The following IKZF3 variants were observed in gnomAD, a reference collection of about 807,000 sequenced individuals.
IKZF3 encodes the protein IKAROS family zinc finger 3.
IKZF3 carries 10 observed loss-of-function variants against 49.0 expected under a neutral mutation model. The ratio of observed to expected loss-of-function variants is 0.20; its 90% CI spans 0.13 to 0.35. The LOEUF is 0.35. Among genes scored for constraint, IKZF3 ranks in the 10% least tolerant of loss-of-function variants. IKZF3 has a pLI of 1.00. For synonymous variants in IKZF3, 209 were observed against 228.2 expected, an observed-to-expected ratio of 0.92 and a Z score of 0.76; for missense variants, 498 against 664.8, an observed-to-expected ratio of 0.75 and a Z score of 2.76.
chr17:39,777,861 G>T, intron 6 of IKZF3, 94 bp from the exon 7 acceptor site: 1 of 1,540,478 alleles, frequency 6.5e-7, no homozygotes, highest in Non-Finnish European at 8.7e-7. Context: ...GTCCGAAGTT[G>T]GATGCACACT....
At chr17:39,832,569 T>C (rs1338922400) in intron 1 of IKZF3, among the ~76,000 whole-genome samples, 1 of 151,964 alleles carries the variant, frequency 6.6e-6, no homozygotes, top group Non-Finnish European at 1.5e-5. Context: ...AATAAAATCA[T>C]GTCATTTGCA....
intron 7 of IKZF3, among the ~76,000 whole-genome samples, chr17:39,772,299 T>C (rs921213697): frequency 6.6e-6 from 1 of 152,150 alleles, no homozygotes; most frequent in Non-Finnish European, 1.5e-5. Context: ...ATCGAACCTT[T>C]AGAAAAATAA....
At chr17:39,795,839 G>A (rs113159227) in intron 3 of IKZF3, among the ~76,000 whole-genome samples, 8,651 of 151,240 alleles carry the variant, frequency 0.057, 384 homozygotes, top group African/African-American at 0.12. Flanking sequence ...GATCACTTGA[G>A]GTCAGGAGTT....
chr17:39,785,258 AG>A (rs994169841), intron 6 of IKZF3, among the ~76,000 whole-genome samples: 6 of 152,244 alleles, frequency 3.9e-5, no homozygotes, highest in African/African-American at 1.2e-4. Context: ...AATATAAAAG[AG>A]TAATGTGTGA....
intron 3 of IKZF3, among the ~76,000 whole-genome samples, chr17:39,817,079 T>C (rs2061694673): frequency 6.6e-6 from 1 of 152,224 alleles, no homozygotes; most frequent in Admixed American, 6.5e-5. Context: ...TTACTCTAGT[T>C]GGGTAAAGCC....
At chr17:39,856,469 C>T (rs2063061762) in intron 1 of IKZF3, among the ~76,000 whole-genome samples, 1 of 152,040 alleles carries the variant, frequency 6.6e-6, no homozygotes, top group Non-Finnish European at 1.5e-5. Flanking sequence ...GATAAGGTTT[C>T]ACCATGTTGG....
chr17:39,779,215 C>T (rs534994781), intron 6 of IKZF3, among the ~76,000 whole-genome samples: 13 of 152,342 alleles, frequency 8.5e-5, no homozygotes, highest in Admixed American at 5.2e-4. Flanking sequence ...AATCCCAGCA[C>T]TTTGCAAGGC....
chr17:39,827,855 G>C (rs114654022), intron 3 of IKZF3, among the ~76,000 whole-genome samples: 125 of 152,332 alleles, frequency 8.2e-4, no homozygotes, highest in African/African-American at 2.8e-3. Flanking sequence ...GTAAGGTATA[G>C]GTGTGAAGGG....
intron 1 of IKZF3, among the ~76,000 whole-genome samples, chr17:39,836,520 T>G (rs2062288659): frequency 6.6e-6 from 1 of 152,220 alleles, no homozygotes; most frequent in Admixed American, 6.5e-5. Context: ...GTGTACTGTT[T>G]AATAAATGTT....
At chr17:39,850,562 T>TATATATAATATATAGCATAAATA in intron 1 of IKZF3, among the ~76,000 whole-genome samples, 15 of 125,920 alleles carry the variant, frequency 1.2e-4, no homozygotes, top group African/African-American at 3.9e-4. Flanking sequence ...ATTATACATG[T>TATATATAATATATAGCATAAATA]ACATATAGTA....
intron 5 of IKZF3, 21 bp from the exon 6 acceptor site, chr17:39,788,395 G>C: frequency 6.7e-7 from 1 of 1,493,446 alleles, no homozygotes; most frequent in South Asian, 1.1e-5. Flanking sequence ...AACATAAGGG[G>C]CACTCAGTGA....
intron 1 of IKZF3, among the ~76,000 whole-genome samples, chr17:39,856,569 G>T (rs1050858356): frequency 1.3e-5 from 2 of 152,164 alleles, no homozygotes; most frequent in Non-Finnish European, 2.9e-5. Flanking sequence ...ACTTTGGGAT[G>T]CCAAGGCGGG....
intron 3 of IKZF3, among the ~76,000 whole-genome samples, chr17:39,794,440 T>C (rs547474440): frequency 6.6e-6 from 1 of 152,348 alleles, no homozygotes; most frequent in Admixed American, 6.5e-5. Context: ...ACTGCAGCTG[T>C]GCCTGGCTTG....
At position 39,863,792 on chromosome 17, in the gene IKZF3, G is replaced by C. The variant is rs189743120; in HGVS notation, c.7+328C>G. The stretch of plus-strand genomic sequence containing the variant: ...CCATGAAGGAAAAAATATCCAAAAG[G>C]GTTGATTATTCCACCCCAGATTTGC... On this transcript the variant is annotated intron_variant, in intron 1 of 7. Transcript: ENST00000346872. 5.2e-5 allele frequency among the ~76,000 whole-genome samples: 6 copies of C among 115,832 alleles called. No homozygotes were observed. In the East Asian group the frequency reaches 1.2e-3, roughly 24 times the overall value. The allele number at this position is 115,832 out of a possible 152,430, so 76.0% of individuals were successfully genotyped here. A position where few individuals can be genotyped will look rare whatever the true frequency, so the allele number is the denominator to read the frequency against.
intron 1 of IKZF3, among the ~76,000 whole-genome samples, chr17:39,839,742 T>G (rs1370383972): frequency 6.6e-6 from 1 of 152,078 alleles, no homozygotes; most frequent in African/African-American, 2.4e-5. Flanking sequence ...CACTGCAACC[T>G]TGACCTCCCT....
chr17:39,797,590 T>C (rs1284486910), intron 3 of IKZF3, among the ~76,000 whole-genome samples: 4 of 151,938 alleles, frequency 2.6e-5, no homozygotes, highest in East Asian at 1.9e-4. Flanking sequence ...ACCTGGCTAA[T>C]TTCTGTATTT....
chr17:39,759,780 T>C lies in IKZF3; in HGVS notation c.*6010A>G, dbSNP rs913744300. The C allele has an allele frequency of 4.6e-5, 7 of 152,276 alleles. No individual in the cohort carries two copies. The highest frequency in any genetic ancestry group is 1.7e-4 in the African/African-American group (7 of 41,476). 9.4% of individuals were successfully genotyped at this position (152,276 alleles called of 1,614,324 possible). On this transcript the variant is annotated 3_prime_UTR_variant, in exon 8 of 8. Coordinates refer to ENST00000346872, the MANE Select transcript of IKZF3 (RefSeq NM_012481.5). ...CACTTATATCTCAAATCATTCTCCT[T>C]GTCTGAACTCTGGATATAGAGGTTT...
chr17:39,858,496 A>G (rs1001537132), intron 1 of IKZF3, among the ~76,000 whole-genome samples: 2 of 151,880 alleles, frequency 1.3e-5, no homozygotes, highest in African/African-American at 4.8e-5. Context: ...ATCCATTACC[A>G]AGTACCTAGT....
chr17:39,780,048 T>A (rs1009281404), intron 6 of IKZF3, among the ~76,000 whole-genome samples: 2 of 151,998 alleles, frequency 1.3e-5, no homozygotes, highest in African/African-American at 2.4e-5. Context: ...AAAGTAATTT[T>A]AAAAAATTAG....
Sources: allele counts gnomAD v4.1 joint callset (sites outside exome capture counted in the v4.1 genomes callset), GRCh38; gene constraint gnomAD v4.1.1; transcripts MANE v1.5; gene names NCBI Gene and HGNC (gene_info 2026-07-23, HGNC 2026-07-21).